QRFPR: variants seen among roughly 807,000 people sequenced by gnomAD.
QRFPR encodes the protein pyroglutamylated RFamide peptide receptor, also known as pyroglutamylated RF-amide peptide receptor.
A neutral mutation model predicts 31.3 loss-of-function variants in QRFPR; 37 were observed. The ratio of observed to expected loss-of-function variants is 1.18; its 90% CI spans 0.91 to 1.56. The LOEUF is 1.56. QRFPR is among the 40% of genes most tolerant of loss of function. The probability of loss-of-function intolerance (pLI) is 0.00; values close to 1 mark genes in which losing one functional copy is unlikely to be tolerated. For synonymous variants in QRFPR, 197 were observed against 192.0 expected, an observed-to-expected ratio of 1.03 and a Z score of -0.22; for missense variants, 542 against 532.5, an observed-to-expected ratio of 1.02 and a Z score of -0.18.
At chr4:121,335,047 T>C (rs1725404818) in intron 3 of QRFPR, among the ~76,000 whole-genome samples, 1 of 152,192 alleles carries the variant, frequency 6.6e-6, no homozygotes, top group African/African-American at 2.4e-5. Context: ...TTAATACATT[T>C]GTTTAATCAG....
chr4:121,351,355 AACT>A, intron 1 of QRFPR, among the ~76,000 whole-genome samples: 1 of 152,326 alleles, frequency 6.6e-6, no homozygotes, highest in South Asian at 2.1e-4. Flanking sequence ...ACTTTGTAAG[AACT>A]GTTTGTGTGT....
At position 121,340,436 on chromosome 4, in the gene QRFPR, C is replaced by T. The variant is rs1257365081; in HGVS notation, c.499+16G>A. On this transcript the variant is annotated intron_variant, in intron 2 of 5. Transcript: ENST00000394427. ...AATGTCATTCACACTGCCATTGGCA[C>T]ATCCAGTGGCCTCACCTAGCATTGT... The T allele has an allele frequency of 1.9e-6, 3 of 1,613,014 alleles. No individual in the cohort carries two copies. The highest frequency in any genetic ancestry group is 1.7e-5 in the Admixed American group (1 of 59,948).
chr4:121,360,603 G>A (rs1367291080), intron 1 of QRFPR, among the ~76,000 whole-genome samples: 1 of 152,054 alleles, frequency 6.6e-6, no homozygotes, highest in African/African-American at 2.4e-5. Context: ...CTACAGTAAT[G>A]CTCTTTGATA....
chr4:121,371,203 T>C (rs1423442070), intron 1 of QRFPR, among the ~76,000 whole-genome samples: 5 of 152,250 alleles, frequency 3.3e-5, no homozygotes, highest in Non-Finnish European at 7.3e-5. Flanking sequence ...GATATGACAG[T>C]AAATGTGTTT....
At chr4:121,376,931 CAGGTTTTGACTCAAT>C (rs59301324) in intron 1 of QRFPR, among the ~76,000 whole-genome samples, 2,611 of 152,148 alleles carry the variant, frequency 0.017, 66 homozygotes, top group East Asian at 0.11. Context: ...TGTTAAAAAG[CAGGTTTTGACTCAAT>C]AGGTGCTGCT....
chr4:121,331,832 T>C (rs1200794954), intron 4 of QRFPR, among the ~76,000 whole-genome samples: 3 of 151,952 alleles, frequency 2.0e-5, no homozygotes, highest in Admixed American at 1.3e-4. Flanking sequence ...TTTGTATTTT[T>C]AGTAGAGACA....
intron 1 of QRFPR, among the ~76,000 whole-genome samples, chr4:121,378,960 GT>G (rs1046187585): frequency 2.6e-5 from 4 of 152,194 alleles, no homozygotes; most frequent in African/African-American, 9.7e-5. Flanking sequence ...GAAAACTCAT[GT>G]GCTTTTCCCC....
At chr4:121,372,659 T>C (rs923501626) in intron 1 of QRFPR, among the ~76,000 whole-genome samples, 6 of 152,240 alleles carry the variant, frequency 3.9e-5, no homozygotes, top group African/African-American at 1.4e-4. Context: ...ATAGTTCATG[T>C]AAGTAGAATC....
chr4:121,358,673 T>C (rs1725916711), intron 1 of QRFPR, among the ~76,000 whole-genome samples: 1 of 152,212 alleles, frequency 6.6e-6, no homozygotes, highest in Non-Finnish European at 1.5e-5. Flanking sequence ...AAACTTGTGG[T>C]GTTTTGCAAC....
intron 1 of QRFPR, among the ~76,000 whole-genome samples, chr4:121,343,571 C>T (rs190866052): frequency 3.7e-4 from 57 of 152,292 alleles, no homozygotes; most frequent in African/African-American, 1.3e-3. Flanking sequence ...GTGAATAAAT[C>T]AGTTTACCTC....
chr4:121,364,473 A>T (rs191523540), intron 1 of QRFPR, among the ~76,000 whole-genome samples: 8 of 148,892 alleles, frequency 5.4e-5, no homozygotes, highest in Admixed American at 2.0e-4. Flanking sequence ...TGTCTCTACT[A>T]AAAATACAAA....
At chr4:121,345,585 G>A (rs962039920) in intron 1 of QRFPR, among the ~76,000 whole-genome samples, 1 of 152,138 alleles carries the variant, frequency 6.6e-6, no homozygotes, top group Non-Finnish European at 1.5e-5. Flanking sequence ...ACTATAGTTT[G>A]CCTCCACTGC....
At chr4:121,347,156 T>G (rs1322547158) in intron 1 of QRFPR, among the ~76,000 whole-genome samples, 1 of 152,168 alleles carries the variant, frequency 6.6e-6, no homozygotes, top group Non-Finnish European at 1.5e-5. Context: ...GTTTGGAAAT[T>G]TCTTTCTTGA....
intron 1 of QRFPR, among the ~76,000 whole-genome samples, chr4:121,374,353 T>C (rs1726311876): frequency 6.6e-6 from 1 of 152,212 alleles, no homozygotes; most frequent in Admixed American, 6.5e-5. Flanking sequence ...AGCTGGTACA[T>C]GGGGTAGGCA....
At chr4:121,339,706 G>A (rs1019304577) in intron 2 of QRFPR, among the ~76,000 whole-genome samples, 3 of 152,092 alleles carry the variant, frequency 2.0e-5, no homozygotes, top group Admixed American at 6.6e-5. Flanking sequence ...GGAGGCCAAG[G>A]AGTACAAGGA....
intron 2 of QRFPR, among the ~76,000 whole-genome samples, chr4:121,338,879 CT>C (rs1725485555): frequency 6.6e-6 from 1 of 152,196 alleles, no homozygotes; most frequent in Admixed American, 6.5e-5. Flanking sequence ...CTTCTCTTTC[CT>C]TTTAAATAAC....
At chr4:121,370,935 T>A (rs1486926869) in intron 1 of QRFPR, among the ~76,000 whole-genome samples, 1 of 152,198 alleles carries the variant, frequency 6.6e-6, no homozygotes, top group Non-Finnish European at 1.5e-5. Context: ...GGGGGCAGCA[T>A]CAAACATTAT....
chr4:121,339,092 C>T (rs1014650533), intron 2 of QRFPR, among the ~76,000 whole-genome samples: 5 of 152,216 alleles, frequency 3.3e-5, no homozygotes, highest in African/African-American at 1.2e-4. Flanking sequence ...TATTTTCAAG[C>T]TATTTAAAAT....
intron 1 of QRFPR, among the ~76,000 whole-genome samples, chr4:121,346,263 C>A (rs1227112363): frequency 1.3e-5 from 2 of 152,180 alleles, no homozygotes; most frequent in Non-Finnish European, 2.9e-5. Flanking sequence ...TGTCCCAATA[C>A]AACCTGTAGG....
Sources: allele counts gnomAD v4.1 joint callset (sites outside exome capture counted in the v4.1 genomes callset), GRCh38; gene constraint gnomAD v4.1.1; transcripts MANE v1.5; gene names NCBI Gene and HGNC (gene_info 2026-07-23, HGNC 2026-07-21).